DPP10: variants seen among roughly 807,000 people sequenced by gnomAD.
DPP10 encodes the protein dipeptidyl peptidase like 10.
Under a neutral mutation model 120.9 loss-of-function variants are expected in DPP10, and 33 were observed. That is an observed-to-expected ratio of 0.27 (90% CI 0.21 to 0.37). The LOEUF is 0.37. Among genes scored for constraint, DPP10 ranks in the 10% least tolerant of loss-of-function variants. DPP10 has a pLI of 1.00. For missense variants in DPP10, 816 were observed against 942.8 expected (o/e 0.87, Z 1.76); for synonymous variants, 337 against 326.1 (o/e 1.03, Z -0.36).
intron 3 of DPP10, among the ~76,000 whole-genome samples, chr2:115,489,596 AT>A (rs945088944): frequency 1.3e-5 from 2 of 151,768 alleles, no homozygotes; most frequent in Admixed American, 6.6e-5. Flanking sequence ...AAACCAAAAA[AT>A]TTTGTAAAAC....
At chr2:115,153,253 C>T (rs2051684037) in intron 1 of DPP10, among the ~76,000 whole-genome samples, 1 of 152,130 alleles carries the variant, frequency 6.6e-6, no homozygotes, top group South Asian at 2.1e-4. Flanking sequence ...GTATTTTCTT[C>T]TGATAAGAAA....
At chr2:114,576,378 C>G (rs1690047073) in intron 1 of DPP10, among the ~76,000 whole-genome samples, 3 of 152,146 alleles carry the variant, frequency 2.0e-5, no homozygotes, top group Admixed American at 6.5e-5. Context: ...AATCGTAGTA[C>G]TGGAATTTAA....
At chr2:115,188,217 A>T (rs934108364) in intron 1 of DPP10, among the ~76,000 whole-genome samples, 1 of 152,208 alleles carries the variant, frequency 6.6e-6, no homozygotes, top group Non-Finnish European at 1.5e-5. Flanking sequence ...TTTTTGTTTT[A>T]TATTATTTGT....
At chr2:115,459,952 T>C (rs1331355807) in intron 3 of DPP10, among the ~76,000 whole-genome samples, 1 of 89,972 alleles carries the variant, frequency 1.1e-5, no homozygotes, top group Non-Finnish European at 3.1e-5. Flanking sequence ...CACACACACC[T>C]TTGTTTGCAT....
intron 19 of DPP10, among the ~76,000 whole-genome samples, chr2:115,798,563 T>C (rs1377311284): frequency 6.6e-6 from 1 of 152,110 alleles, no homozygotes; most frequent in Non-Finnish European, 1.5e-5. Context: ...TCTATGATGA[T>C]GGGAGGCTAG....
chr2:115,524,925 G>C (rs2078033360), intron 4 of DPP10, among the ~76,000 whole-genome samples: 3 of 151,960 alleles, frequency 2.0e-5, no homozygotes, highest in Non-Finnish European at 4.4e-5. Flanking sequence ...TGATTAGTCT[G>C]AATTTCTTAT....
intron 1 of DPP10, among the ~76,000 whole-genome samples, chr2:114,549,262 CAT>C (rs1268188636): frequency 6.6e-6 from 1 of 151,966 alleles, no homozygotes; most frequent in African/African-American, 2.4e-5. Flanking sequence ...TGATTCTCCA[CAT>C]AGAGAGTCAT....
intron 1 of DPP10, among the ~76,000 whole-genome samples, chr2:115,284,587 G>T (rs954121860): frequency 3.3e-5 from 5 of 152,074 alleles, no homozygotes; most frequent in Non-Finnish European, 7.4e-5. Context: ...GCTCAGTGGG[G>T]TAGAAAAAAG....
At chr2:115,842,020 A>G (rs1171667989) in intron 25 of DPP10, among the ~76,000 whole-genome samples, 191 bp from the exon 26 acceptor site, 1 of 152,242 alleles carries the variant, frequency 6.6e-6, no homozygotes, top group Non-Finnish European at 1.5e-5. Flanking sequence ...TCTAATTTAA[A>G]TACCAAATAT....
At chr2:114,791,432 T>C (rs578100735) in intron 1 of DPP10, among the ~76,000 whole-genome samples, 2 of 152,324 alleles carry the variant, frequency 1.3e-5, no homozygotes, top group South Asian at 4.1e-4. Context: ...GAAATCTGCC[T>C]GTCTCACTCA....
chr2:115,383,181 A>T lies in DPP10; in HGVS notation c.271+39269A>T, dbSNP rs192550732. 6.6e-4 allele frequency among the ~76,000 whole-genome samples: 100 copies of T among 152,244 alleles called. 1 individual carries two copies. The East Asian group carries it at 0.019, about 29-fold the overall frequency. On this transcript the variant is annotated intron_variant, in intron 3 of 25. Transcript: ENST00000410059. ...GTGGTTTGGCTGTGTACCCACCCAA[A>T]TCTCATCTTGAATCCCCGTGTGTTG... is the stretch of plus-strand genomic sequence containing the variant.
chr2:115,033,871 CTTTCTTTTTCTT>C (rs1220746393), intron 1 of DPP10, among the ~76,000 whole-genome samples: 1 of 130,674 alleles, frequency 7.7e-6, no homozygotes, highest in Non-Finnish European at 1.7e-5. Flanking sequence ...TGTCCAATAT[CTTTCTTTTTCTT>C]TTTCTTTTTC....
intron 1 of DPP10, among the ~76,000 whole-genome samples, chr2:114,880,030 T>C (rs976893171): frequency 3.9e-5 from 6 of 152,168 alleles, no homozygotes; most frequent in African/African-American, 9.7e-5. Flanking sequence ...TGACAACATA[T>C]GTTATAAGAG....
intron 1 of DPP10, among the ~76,000 whole-genome samples, chr2:114,831,036 T>A (rs1687063227): frequency 7.4e-6 from 1 of 134,404 alleles, no homozygotes; most frequent in Non-Finnish European, 1.6e-5. Context: ...TTTTTTTTTT[T>A]TTTTTTTTTT....
At chr2:114,560,289 G>C (rs1688664728) in intron 1 of DPP10, among the ~76,000 whole-genome samples, 1 of 152,132 alleles carries the variant, frequency 6.6e-6, no homozygotes, top group African/African-American at 2.4e-5. Flanking sequence ...CAAGGTCTTT[G>C]CATAAATGTG....
At chr2:115,011,911 C>T (rs989006532) in intron 1 of DPP10, among the ~76,000 whole-genome samples, 2 of 151,738 alleles carry the variant, frequency 1.3e-5, no homozygotes, top group African/African-American at 2.4e-5. Context: ...TCACTGGTTG[C>T]CTGGAAATAG....
intron 2 of DPP10, among the ~76,000 whole-genome samples, chr2:115,338,751 A>C (rs2063295413): frequency 6.6e-6 from 1 of 152,230 alleles, no homozygotes; most frequent in African/African-American, 2.4e-5. Context: ...GCAGACAAAC[A>C]AAACTTCATA....
intron 1 of DPP10, among the ~76,000 whole-genome samples, chr2:114,810,264 C>T (rs1395208817): frequency 6.6e-6 from 1 of 152,158 alleles, no homozygotes. Context: ...ATGACAGATA[C>T]ATTTATCACT....
At chr2:114,969,715 A>C (rs1699266782) in intron 1 of DPP10, among the ~76,000 whole-genome samples, 1 of 152,138 alleles carries the variant, frequency 6.6e-6, no homozygotes, top group Admixed American at 6.6e-5. Context: ...TGGTTCTTCC[A>C]GGCAAGAACC....
Sources: allele counts gnomAD v4.1 joint callset (sites outside exome capture counted in the v4.1 genomes callset), GRCh38; gene constraint gnomAD v4.1.1; transcripts MANE v1.5; gene names NCBI Gene and HGNC (gene_info 2026-07-23, HGNC 2026-07-21).